The following MAP2K5 variants were observed in gnomAD, a reference collection of about 807,000 sequenced individuals.
The protein encoded by MAP2K5 is dual specificity mitogen-activated protein kinase kinase 5.
A neutral mutation model predicts 83.1 loss-of-function variants in MAP2K5; 49 were observed. The ratio of observed to expected loss-of-function variants is 0.59; its 90% CI spans 0.47 to 0.75. The LOEUF (loss-of-function observed/expected upper bound fraction) is 0.75, where lower values mean the gene tolerates loss of function less well. MAP2K5 is among the 30% of genes least tolerant of loss of function. MAP2K5 has a pLI of 0.00. For synonymous variants in MAP2K5, 202 were observed against 191.8 expected (o/e 1.05, Z -0.44); for missense variants, 457 against 557.5 (o/e 0.82, Z 1.82).
chr15:67,693,556 T>C lies in MAP2K5; in HGVS notation c.960T>C (p.Asn320=), dbSNP rs2088168158. 3.7e-6 allele frequency: 6 copies of C among 1,611,900 alleles called. No homozygotes were observed. The highest frequency in any genetic ancestry group is 1.7e-4 in the Middle Eastern group (1 of 5,878). Residue 320 remains asparagine (N), a synonymous_variant, in exon 15 of 22, where the codon AAT becomes AAC. Coordinates refer to ENST00000178640, the MANE Select transcript of MAP2K5 (RefSeq NM_145160.3). ...NSIAKTYVGT[N]AYMAPERISG... ...TAGCCAAGACGTATGTTGGAACAAA[T>C]GCTTATATGGCGGTAAGTAAACTTA...
In MAP2K5 at chr15:67,748,232, T is replaced by C; in HGVS notation, c.1076T>C (p.Ile359Thr). ...LALGRFPYPQ[I>T]QKNQGSLMPL... is the part of the protein sequence containing the mutation. ...TAATTACATATTGCCTTTTTTCAGA[T>C]TCAGAAAAACCAGGGATCTTTAATG... Residue 359 changes from isoleucine to threonine, a missense_variant and splice_region_variant, in exon 18 of 22, where the codon ATT becomes ACT. Ile to Thr is a moderately conservative substitution (Grantham distance 89, BLOSUM62 -1). Coordinates refer to ENST00000178640, the MANE Select transcript of MAP2K5 (RefSeq NM_145160.3). The surrounding 1 kb of genome is among the most constrained non-coding windows in gnomAD (Gnocchi z 4.0). 1 of 1,606,888 alleles carries C rather than the reference T, an allele frequency of 6.2e-7. No homozygotes were observed. Among genetic ancestry groups the C allele is most frequent in the Non-Finnish European group, 8.5e-7 (1 of 1,174,088 alleles).
In MAP2K5 at chr15:67,580,824, GTAATGTTGAGCAAATTC is replaced by G; in HGVS notation, c.322+6_322+22del. On this transcript the variant is annotated splice_donor_variant and splice_donor_5th_base_variant and intron_variant, in intron 4 of 21. Coordinates refer to ENST00000178640, the MANE Select transcript of MAP2K5 (RefSeq NM_145160.3). LOFTEE classifies it high-confidence loss of function. Reference sequence around the variant, plus strand: ...GAGCCTCTGCAGATATTTCCAAGAGGTAATGTTGAGCAAATTCTAATCAACAATGATTATTTCAGTAA... The same window carrying G: ...GAGCCTCTGCAGATATTTCCAAGAGGTAATCAACAATGATTATTTCAGTAA... The G allele has an allele frequency of 1.3e-6, 2 of 1,592,306 alleles. No individual in the cohort carries two copies. The highest frequency in any genetic ancestry group is 1.7e-6 in the Non-Finnish European group (2 of 1,161,708).
intron 16 of MAP2K5, among the ~76,000 whole-genome samples, chr15:67,715,243 G>GGGT (rs2088803703): frequency 6.8e-6 from 1 of 146,628 alleles, no homozygotes; most frequent in African/African-American, 2.5e-5. Flanking sequence ...GGGAGGGGGG[G>GGGT]GGTCTAAAAT....
intron 2 of MAP2K5, among the ~76,000 whole-genome samples, chr15:67,560,613 A>G (rs769302368): frequency 6.6e-6 from 1 of 152,240 alleles, no homozygotes; most frequent in Non-Finnish European, 1.5e-5. Context: ...GGTTGATGTC[A>G]AAAGCTATTC....
At chr15:67,784,902 C>T (rs779602804) in intron 21 of MAP2K5, among the ~76,000 whole-genome samples, 16 of 152,180 alleles carry the variant, frequency 1.1e-4, no homozygotes, top group Non-Finnish European at 2.1e-4. Flanking sequence ...TAGCTGAACT[C>T]GGAGTATGGG....
At chr15:67,616,799 C>T (rs919925565) in intron 8 of MAP2K5, among the ~76,000 whole-genome samples, 2 of 152,154 alleles carry the variant, frequency 1.3e-5, no homozygotes, top group Non-Finnish European at 2.9e-5. Flanking sequence ...CAAATCCTAA[C>T]CATTGCTTTC....
At chr15:67,694,573 C>G (rs1567365894) in intron 15 of MAP2K5, among the ~76,000 whole-genome samples, 1 of 152,048 alleles carries the variant, frequency 6.6e-6, no homozygotes, top group Non-Finnish European at 1.5e-5. Context: ...CATCTCACAC[C>G]AGTTAGAATG....
rs1358312925 is a variant in MAP2K5, at chr15:67,637,380, A to C, written c.585+6453A>C. ...GGCTTGCTTTTAAGTTTTATTAGAC[A>C]GTACCAGCCCAGTGGTTAGTCTAGA... On this transcript the variant is annotated intron_variant, in intron 9 of 21. Transcript: ENST00000178640. This position sits in a 1 kb window ranked among gnomAD's most constrained non-coding sequence, Gnocchi z 4.5. Among the ~76,000 whole-genome samples the C allele has an allele frequency of 6.6e-6, 1 of 152,312 alleles. No individual in the cohort carries two copies. Among genetic ancestry groups the C allele is most frequent in the South Asian group, 2.1e-4 (1 of 4,822 alleles).
At chr15:67,672,835 T>C (rs947801393) in intron 13 of MAP2K5, among the ~76,000 whole-genome samples, 13 of 151,142 alleles carry the variant, frequency 8.6e-5, no homozygotes, top group African/African-American at 2.9e-4. Context: ...AATTAATTTT[T>C]GTATAAGGTG....
At position 67,555,434 on chromosome 15, in the gene MAP2K5, T is replaced by C. The variant is rs1003513877; in HGVS notation, c.184+5352T>C. On this transcript the variant is annotated intron_variant, in intron 2 of 21. Coordinates refer to ENST00000178640, the MANE Select transcript of MAP2K5 (RefSeq NM_145160.3). The surrounding 1 kb of genome is among the most constrained non-coding windows in gnomAD (Gnocchi z 5.2). ...CTCCTTCCAGGCCCCGCCTGCAACA[T>C]TGGGGATCACTTTGGAGGGGACAAA... Among the ~76,000 whole-genome samples, 5 of 152,208 alleles carry C rather than the reference T, an allele frequency of 3.3e-5. No individual in the cohort carries two copies. The highest frequency in any genetic ancestry group is 6.5e-5 in the Admixed American group (1 of 15,284).
chr15:67,609,756 A>G (rs1047536258), intron 8 of MAP2K5, among the ~76,000 whole-genome samples: 4 of 151,950 alleles, frequency 2.6e-5, no homozygotes, highest in Non-Finnish European at 4.4e-5. Context: ...GTGCTCAGGA[A>G]GACCTATCTG....
chr15:67,805,199 G>C (rs914902399), intron 21 of MAP2K5, among the ~76,000 whole-genome samples: 2 of 152,260 alleles, frequency 1.3e-5, no homozygotes, highest in African/African-American at 4.8e-5. Flanking sequence ...ACAGTGCTCT[G>C]TGTGCCTCTG....
chr15:67,564,926 G>T (rs1478480456), intron 3 of MAP2K5, among the ~76,000 whole-genome samples: 1 of 152,180 alleles, frequency 6.6e-6, no homozygotes, highest in African/African-American at 2.4e-5. Flanking sequence ...GAAAATGTTA[G>T]TGGGTGTGGT....
chr15:67,703,669 C>T (rs909918608), intron 16 of MAP2K5, among the ~76,000 whole-genome samples: 3 of 152,102 alleles, frequency 2.0e-5, no homozygotes, highest in Non-Finnish European at 2.9e-5. Context: ...TCTTCAACCC[C>T]GTTCAAGACC....
chr15:67,606,437 T>C (rs187115893), intron 8 of MAP2K5, among the ~76,000 whole-genome samples: 1 of 152,314 alleles, frequency 6.6e-6, no homozygotes, highest in Admixed American at 6.5e-5. Context: ...TATACTGCCT[T>C]CATGGTGTTT....
At position 67,602,369 on chromosome 15, in the gene MAP2K5, C is replaced by G. The variant is rs529815313; in HGVS notation, c.545+1620C>G. 5.9e-5 allele frequency among the ~76,000 whole-genome samples: 9 copies of G among 152,232 alleles called. No individual in the cohort carries two copies. The South Asian group carries it at 1.9e-3, about 32-fold the overall frequency. On this transcript the variant is annotated intron_variant, in intron 8 of 21. Transcript: ENST00000178640. ...CTTCTTAATGCCTTTATGCTGATAG[C>G]CAAATATAATAAAACAGGAAAGATT...
At chr15:67,687,834 T>A (rs2087994389) in intron 13 of MAP2K5, among the ~76,000 whole-genome samples, 1 of 151,684 alleles carries the variant, frequency 6.6e-6, no homozygotes, top group Non-Finnish European at 1.5e-5. Flanking sequence ...GATGTGGTAG[T>A]GAACAAAACA....
Position 67,722,699 on chromosome 15 carries a change from G to A in MAP2K5, c.1045-5217G>A, listed in dbSNP as rs1420598649. On this transcript the variant is annotated intron_variant, in intron 16 of 21. Coordinates refer to ENST00000178640, the MANE Select transcript of MAP2K5 (RefSeq NM_145160.3). The surrounding 1 kb of genome is among the most constrained non-coding windows in gnomAD (Gnocchi z 4.2). ...CACCTAGGGAATTTTATGTAATCCA[G>A]TAGTTAAGTCTGATTTTTTAAAGTT... 6.6e-6 allele frequency among the ~76,000 whole-genome samples: 1 copy of A among 152,194 alleles called. No homozygotes were observed. The highest frequency in any genetic ancestry group is 2.4e-5 in the African/African-American group (1 of 41,458).
rs1359012573 is a variant in MAP2K5, at chr15:67,750,053, C to A, written c.1134+1452C>A. 6.6e-6 allele frequency among the ~76,000 whole-genome samples: 1 copy of A among 152,130 alleles called. No individual in the cohort carries two copies. The highest frequency in any genetic ancestry group is 6.5e-5 in the Admixed American group (1 of 15,274). On this transcript the variant is annotated intron_variant, in intron 19 of 21. Coordinates refer to ENST00000178640, the MANE Select transcript of MAP2K5 (RefSeq NM_145160.3). The surrounding 1 kb of genome is among the most constrained non-coding windows in gnomAD (Gnocchi z 4.2). ...TCTGCATCAAATAGATATTTTCATT[C>A]CTTATTTAAAGTAACAGTTATTGCT... is the stretch of plus-strand genomic sequence containing the variant.
Sources: allele counts gnomAD v4.1 joint callset (sites outside exome capture counted in the v4.1 genomes callset), GRCh38; gene constraint gnomAD v4.1.1; non-coding constraint Gnocchi (gnomAD v3.1); transcripts MANE v1.5; gene names NCBI Gene and HGNC (gene_info 2026-07-23, HGNC 2026-07-21).